SERPINB11: variants seen among roughly 807,000 people sequenced by gnomAD.
The protein encoded by SERPINB11 is serpin family B member 11.
Under a neutral mutation model 36.7 loss-of-function variants are expected in SERPINB11, and 32 were observed. The observed-to-expected ratio is 0.87, with a 90% CI of 0.66 to 1.17. The LOEUF (loss-of-function observed/expected upper bound fraction) is 1.17. Ranked by LOEUF, SERPINB11 falls within the 50% of genes most tolerant of loss-of-function variation. The probability of loss-of-function intolerance (pLI) is 0.00; values close to 1 mark genes in which losing one functional copy is unlikely to be tolerated. For missense variants in SERPINB11, 528 were observed against 458.4 expected (o/e 1.15, Z -1.39); for synonymous variants, 174 against 168.1 (o/e 1.04, Z -0.27).
intron 1 of SERPINB11, among the ~76,000 whole-genome samples, chr18:63,703,825 G>A (rs1914301457): frequency 6.6e-6 from 1 of 152,220 alleles, no homozygotes; most frequent in Non-Finnish European, 1.5e-5. Context: ...AAGATAAGAT[G>A]TGTTCCCTTC....
intron 3 of SERPINB11, 115 bp downstream of exon 3, chr18:63,711,509 G>T (rs1506424): frequency 0.34 from 249,060 of 738,588 alleles, 45,903 homozygotes; most frequent in East Asian, 0.59. Context: ...AACCAGCTAT[G>T]TGTCCCCCTT....
rs770178545 is a variant in SERPINB11 at position 63,720,890 on chromosome 18, A to G, written c.678A>G (p.Val226=). The G allele has an allele frequency of 1.3e-6, 2 of 1,591,102 alleles. No individual in the cohort carries two copies. Among genetic ancestry groups the G allele is most frequent in the Admixed American group, 1.8e-5 (1 of 56,796 alleles). The part of the protein sequence containing the change: ...YQIGTFKLAF[V]KEPQMQVLEL... The stretch of plus-strand genomic sequence containing the variant: ...TTGGAACATTTAAACTGGCCTTTGT[A>G]AAGGAGCCGCAGATGCAAGTTCTTG... Residue 226 remains valine, a synonymous_variant, in exon 7 of 8, where the codon GTA becomes GTG. Coordinates refer to ENST00000544088, the MANE Select transcript of SERPINB11 (RefSeq NM_001370475.1).
At chr18:63,711,303 A>C (rs756372959) in intron 2 of SERPINB11, 32 bp from the exon 3 acceptor site, 2 of 1,491,180 alleles carry the variant, frequency 1.3e-6, no homozygotes, top group African/African-American at 2.8e-5. Flanking sequence ...ATTGCTTCTG[A>C]TGCCAAAAGA....
At chr18:63,716,795 C>T (rs1309444605) in intron 5 of SERPINB11, among the ~76,000 whole-genome samples, 1 of 149,364 alleles carries the variant, frequency 6.7e-6, no homozygotes, top group African/African-American at 2.4e-5. Context: ...CCAGTTGGCT[C>T]TTTTTTTTTT....
chr18:63,713,099 T>C (rs1914570972), intron 4 of SERPINB11, among the ~76,000 whole-genome samples: 1 of 152,212 alleles, frequency 6.6e-6, no homozygotes, highest in African/African-American at 2.4e-5. Context: ...ATTTAGAATA[T>C]ATAACTTTGG....
intron 1 of SERPINB11, among the ~76,000 whole-genome samples, chr18:63,707,790 C>T (rs937651893): frequency 6.6e-6 from 1 of 152,108 alleles, no homozygotes; most frequent in Admixed American, 6.5e-5. Context: ...TAGAGCTTGT[C>T]TAGATGCTGG....
rs992181075 is a variant in SERPINB11 at position 63,711,250 on chromosome 18, A to G, written c.169-85A>G. 4.3e-6 allele frequency: 4 copies of G among 931,842 alleles called. No homozygotes were observed. The African/African-American group carries it at 6.6e-5, about 15-fold the overall frequency. 57.7% of individuals were successfully genotyped at this position (931,842 alleles called of 1,614,324 possible). On this transcript the variant is annotated intron_variant, in intron 2 of 7. Coordinates refer to ENST00000544088, the MANE Select transcript of SERPINB11 (RefSeq NM_001370475.1). The stretch of plus-strand genomic sequence containing the variant: ...ATCACTACTGATCTTGATCTAAAAT[A>G]GAAAAATAGATACTTACAACTGTCA...
intron 1 of SERPINB11, among the ~76,000 whole-genome samples, chr18:63,708,587 A>C (rs919611149): frequency 6.6e-6 from 1 of 152,218 alleles, no homozygotes; most frequent in Admixed American, 6.5e-5. Context: ...GAGGTAAAGA[A>C]GGCTGTGAGG....
In SERPINB11 at chr18:63,721,044, A is replaced by G. The variant is rs1043163514; in HGVS notation, c.774+58A>G. 3.0e-6 allele frequency: 4 copies of G among 1,342,756 alleles called. No individual in the cohort carries two copies. In the African/African-American group the frequency reaches 5.8e-5, roughly 19 times the overall value. The allele number at this position is 1,342,756 out of a possible 1,614,324, so 83.2% of individuals were successfully genotyped here. On this transcript the variant is annotated intron_variant, in intron 7 of 7. Transcript: ENST00000544088. ...AGCATGTGTGCATGTTAACACACAC[A>G]CACACAGACACACTGTGTATCTCAT... is the stretch of plus-strand genomic sequence containing the variant.
At chr18:63,720,623 A>G in intron 6 of SERPINB11, 1 of 497,604 alleles carries the variant, frequency 2.0e-6, no homozygotes, top group Non-Finnish European at 3.5e-6. Context: ...TATTATTAGA[A>G]CAATTCAGTC....
chr18:63,712,887 C>G (rs1914566094), intron 4 of SERPINB11, among the ~76,000 whole-genome samples, 194 bp downstream of exon 4: 1 of 152,194 alleles, frequency 6.6e-6, no homozygotes, highest in Non-Finnish European at 1.5e-5. Flanking sequence ...ATAAAAATGA[C>G]TTCTTCAAGA....
chr18:63,708,825 C>G (rs1272664221), intron 1 of SERPINB11, among the ~76,000 whole-genome samples: 1 of 152,076 alleles, frequency 6.6e-6, no homozygotes, highest in African/African-American at 2.4e-5. Flanking sequence ...AGAAGAGGCT[C>G]AAGATCTGAA....
At chr18:63,715,125 G>A (rs543093402) in intron 4 of SERPINB11, among the ~76,000 whole-genome samples, 77 of 152,164 alleles carry the variant, frequency 5.1e-4, no homozygotes, top group African/African-American at 1.3e-3. Context: ...TTTCTTCTAC[G>A]CTAGGCACAT....
intron 7 of SERPINB11, 119 bp from the exon 8 acceptor site, chr18:63,722,875 TA>T: frequency 9.8e-7 from 1 of 1,016,630 alleles, no homozygotes; most frequent in South Asian, 1.9e-5. Flanking sequence ...TAGACTGTAT[TA>T]AAGGTAGAAA....
chr18:63,708,033 CA>C (rs1217011859), intron 1 of SERPINB11, among the ~76,000 whole-genome samples: 1 of 152,162 alleles, frequency 6.6e-6, no homozygotes, highest in African/African-American at 2.4e-5. Flanking sequence ...CAAATATCTC[CA>C]GGAAGAACTT....
At chr18:63,713,100 A>G (rs537933027) in intron 4 of SERPINB11, among the ~76,000 whole-genome samples, 1 of 152,332 alleles carries the variant, frequency 6.6e-6, no homozygotes, top group Non-Finnish European at 1.5e-5. Flanking sequence ...TTTAGAATAT[A>G]TAACTTTGGG....
rs867604433 is a variant in SERPINB11 at position 63,710,362 on chromosome 18, G to A, written c.168+1G>A. The A allele has an allele frequency of 6.2e-7, 1 of 1,609,146 alleles. No individual in the cohort carries two copies. The highest frequency in any genetic ancestry group is 1.7e-5 in the Admixed American group (1 of 59,162). ...AGAGACTGAAGAGCAATTGGAGAAG[G>A]TATGGAATTCCTCAGAGGTTTGTTC... On this transcript the variant is annotated splice_donor_variant, in intron 2 of 7. Transcript: ENST00000544088. LOFTEE classifies it high-confidence loss of function.
At chr18:63,713,895 G>T (rs541635452) in intron 4 of SERPINB11, among the ~76,000 whole-genome samples, 1 of 152,286 alleles carries the variant, frequency 6.6e-6, no homozygotes, top group South Asian at 2.1e-4. Context: ...TGTCATGAGA[G>T]GGACCTTGTT....
chr18:63,703,717 C>G (rs1278949733), intron 1 of SERPINB11, among the ~76,000 whole-genome samples: 1 of 152,192 alleles, frequency 6.6e-6, no homozygotes, highest in Non-Finnish European at 1.5e-5. Flanking sequence ...CTGTAAGATA[C>G]TGGTGTCTTA....
Sources: gnomAD v4.1 joint callset for allele counts (sites outside exome capture counted in the v4.1 genomes callset) on GRCh38, gnomAD v4.1.1 for gene constraint, MANE v1.5 for transcripts, NCBI Gene and HGNC (gene_info 2026-07-23, HGNC 2026-07-21) for gene names.